The following MAP2 variants were observed in gnomAD, a reference collection of about 807,000 sequenced individuals.
MAP2 encodes microtubule associated protein 2.
A neutral mutation model predicts 137.6 loss-of-function variants in MAP2; 14 were observed. That is an observed-to-expected ratio of 0.10 (90% confidence interval 0.07 to 0.16). The LOEUF is 0.16. MAP2 is among the 10% of genes least tolerant of loss of function. The pLI, the probability that MAP2 is intolerant of heterozygous loss-of-function variation, is 1.00. For synonymous variants in MAP2, 786 were observed against 782.3 expected, an observed-to-expected ratio of 1.00 and a Z score of -0.08; for missense variants, 2,088 against 2,191.5, an observed-to-expected ratio of 0.95 and a Z score of 0.94.
intron 1 of MAP2, among the ~76,000 whole-genome samples, chr2:209,434,361 A>T (rs1695132207): frequency 6.6e-6 from 1 of 151,982 alleles, no homozygotes; most frequent in Non-Finnish European, 1.5e-5. Flanking sequence ...CATTTCCAAA[A>T]TATCACATAA....
At chr2:209,721,033 T>C (rs930993877) in intron 13 of MAP2, among the ~76,000 whole-genome samples, 1 of 152,128 alleles carries the variant, frequency 6.6e-6, no homozygotes, top group Non-Finnish European at 1.5e-5. Flanking sequence ...TTCTGAGGAC[T>C]GCTGTTATTT....
intron 2 of MAP2, among the ~76,000 whole-genome samples, chr2:209,531,450 A>T (rs767542140): frequency 1.3e-5 from 2 of 152,204 alleles, no homozygotes; most frequent in African/African-American, 4.8e-5. Context: ...GAAAATACAA[A>T]CACTTTTTTT....
chr2:209,424,160 T>TC lies in MAP2; in HGVS notation c.-330dup, dbSNP rs78467203. 146 of 153,678 alleles carry TC rather than the reference T, an allele frequency of 9.5e-4. No individual in the cohort carries two copies. Among genetic ancestry groups the TC allele is most frequent in the East Asian group, 2.5e-3 (13 of 5,220 alleles). 9.5% of individuals were successfully genotyped at this position (153,678 alleles called of 1,614,324 possible). A position where few individuals can be genotyped will look rare whatever the true frequency, so the allele number is the denominator to read the frequency against. On this transcript the variant is annotated 5_prime_UTR_variant, in exon 1 of 16. Transcript: ENST00000682079. ...TCTTTCTCTTCCTTCTCCTTCTTTT[T>TC]CCCCCCCCTCCCCTTCTTCCCCTAA...
chr2:209,483,962 T>C (rs1306684936), intron 1 of MAP2, among the ~76,000 whole-genome samples: 1 of 152,156 alleles, frequency 6.6e-6, no homozygotes, highest in African/African-American at 2.4e-5. Context: ...CCAGTTCCTT[T>C]AGCTTTACCC....
chr2:209,630,295 C>T (rs757444108), intron 4 of MAP2, among the ~76,000 whole-genome samples: 1 of 151,942 alleles, frequency 6.6e-6, no homozygotes, highest in African/African-American at 2.4e-5. Context: ...TCTGGGGCTC[C>T]TCAGCCCGAT....
At chr2:209,458,219 T>G (rs867419623) in intron 1 of MAP2, among the ~76,000 whole-genome samples, 51 of 152,292 alleles carry the variant, frequency 3.3e-4, no homozygotes, top group Middle Eastern at 3.4e-3. Flanking sequence ...AGTAAAGTCT[T>G]CATTACACTG....
At chr2:209,690,580 T>C (rs911166477) in intron 7 of MAP2, 3 of 1,266,290 alleles carry the variant, frequency 2.4e-6, no homozygotes, top group African/African-American at 1.5e-5. Flanking sequence ...GGTCATGATG[T>C]CAACATCTTT....
intron 1 of MAP2, among the ~76,000 whole-genome samples, chr2:209,460,494 G>A (rs2149583201): frequency 6.6e-6 from 1 of 152,086 alleles, no homozygotes; most frequent in East Asian, 1.9e-4. Context: ...TTGGTAACTG[G>A]GATATGGGGG....
In MAP2 at chr2:209,693,539, C is replaced by T. The variant is rs1457163029; in HGVS notation, c.1369C>T (p.Pro457Ser). The change falls in exon 8 of 16, where the codon CCA becomes TCA. Residue 457 changes from proline to serine, a missense_variant. By Grantham distance (74) the Pro-to-Ser change is moderately conservative. Coordinates refer to ENST00000682079, the MANE Select transcript of MAP2 (RefSeq NM_001375505.1). ...CACCATTTCTGACAAAGAAGCTGTG[C>T]CAAAAGAGAGTAAACCCCCAAAACC... is the stretch of plus-strand genomic sequence containing the variant. ...KTTISDKEAV[P>S]KESKPPKPAD... 3 of 1,611,468 alleles carry T rather than the reference C, an allele frequency of 1.9e-6. No homozygotes were observed. The highest frequency in any genetic ancestry group is 2.5e-6 in the Non-Finnish European group (3 of 1,179,468).
chr2:209,572,663 A>T (rs1364824719), intron 2 of MAP2, among the ~76,000 whole-genome samples: 1 of 152,146 alleles, frequency 6.6e-6, no homozygotes, highest in African/African-American at 2.4e-5. Flanking sequence ...TGATTCAAGG[A>T]TTCTACTTTT....
At chr2:209,531,822 C>G (rs1370668996) in intron 2 of MAP2, among the ~76,000 whole-genome samples, 1 of 152,114 alleles carries the variant, frequency 6.6e-6, no homozygotes, top group Non-Finnish European at 1.5e-5. Context: ...TTAGGGTGCT[C>G]TTATGCAACC....
chr2:209,638,104 G>A (rs984049166), intron 4 of MAP2, among the ~76,000 whole-genome samples: 1 of 151,980 alleles, frequency 6.6e-6, no homozygotes, highest in Non-Finnish European at 1.5e-5. Flanking sequence ...TCTCATAAAT[G>A]TAAATGAATT....
At chr2:209,652,134 C>T (rs1377311707) in intron 4 of MAP2, among the ~76,000 whole-genome samples, 1 of 152,118 alleles carries the variant, frequency 6.6e-6, no homozygotes, top group African/African-American at 2.4e-5. Context: ...GGTGAATCAC[C>T]TCTTTTCAAT....
At chr2:209,682,462 G>A (rs183714933) in intron 7 of MAP2, among the ~76,000 whole-genome samples, 13 of 152,260 alleles carry the variant, frequency 8.5e-5, no homozygotes, top group Non-Finnish European at 1.5e-4. Flanking sequence ...TTACACTGTA[G>A]CCTGGTGACA....
chr2:209,429,698 A>T (rs190492294), intron 1 of MAP2, among the ~76,000 whole-genome samples: 1 of 152,276 alleles, frequency 6.6e-6, no homozygotes, highest in East Asian at 1.9e-4. Context: ...ACAAGTAAAT[A>T]TACAAACTGA....
At chr2:209,433,420 T>C (rs1412893835) in intron 1 of MAP2, among the ~76,000 whole-genome samples, 1 of 151,736 alleles carries the variant, frequency 6.6e-6, no homozygotes, top group Non-Finnish European at 1.5e-5. Context: ...GGTACTGGAG[T>C]CCAACAGACA....
At chr2:209,471,867 G>T (rs367676551) in intron 1 of MAP2, among the ~76,000 whole-genome samples, 1 of 152,026 alleles carries the variant, frequency 6.6e-6, no homozygotes, top group South Asian at 2.1e-4. Flanking sequence ...TCTAACTTTA[G>T]TAAGTCCTAA....
At chr2:209,649,433 A>G (rs1286170941) in intron 4 of MAP2, among the ~76,000 whole-genome samples, 2 of 152,318 alleles carry the variant, frequency 1.3e-5, no homozygotes, top group Middle Eastern at 6.8e-3. Context: ...TGTTGAAAAT[A>G]CCATTTTGAA....
intron 1 of MAP2, among the ~76,000 whole-genome samples, chr2:209,475,328 T>C (rs781247971): frequency 3.3e-5 from 5 of 152,122 alleles, no homozygotes; most frequent in African/African-American, 1.2e-4. Context: ...GTTCTCCTCT[T>C]GTTTTTATTT....
Sources: gnomAD v4.1 joint callset for allele counts (sites outside exome capture counted in the v4.1 genomes callset) on GRCh38, gnomAD v4.1.1 for gene constraint, MANE v1.5 for transcripts, NCBI Gene and HGNC (gene_info 2026-07-23, HGNC 2026-07-21) for gene names.